Variants in SAMHD1 observed in about 807,000 individuals in gnomAD.
SAMHD1 encodes the protein deoxynucleoside triphosphate triphosphohydrolase SAMHD1.
Under a neutral mutation model 79.6 loss-of-function variants are expected in SAMHD1, and 54 were observed. The observed-to-expected ratio is 0.68, with a 90% CI of 0.55 to 0.85. The LOEUF is 0.85. Among genes scored for constraint, SAMHD1 ranks in the 40% least tolerant of loss-of-function variants. The probability of loss-of-function intolerance (pLI) is 0.00; values close to 1 mark genes in which losing one functional copy is unlikely to be tolerated. For synonymous variants in SAMHD1, 260 were observed against 264.1 expected, an observed-to-expected ratio of 0.98 and a Z score of 0.15; for missense variants, 663 against 782.7, an observed-to-expected ratio of 0.85 and a Z score of 1.82.
At chr20:36,898,740 C>T (rs1298979173) in intron 13 of SAMHD1, among the ~76,000 whole-genome samples, 196 bp from the exon 14 acceptor site, 2 of 151,304 alleles carry the variant, frequency 1.3e-5, no homozygotes, top group Non-Finnish European at 3.0e-5. Context: ...AGTGAAACCC[C>T]ACCTCTACTA....
chr20:36,903,220 G>A (rs778880289), intron 13 of SAMHD1, among the ~76,000 whole-genome samples: 8 of 152,078 alleles, frequency 5.3e-5, no homozygotes, highest in South Asian at 2.1e-4. Flanking sequence ...TGTTGATAAG[G>A]TCCAGGGTGT....
intron 3 of SAMHD1, among the ~76,000 whole-genome samples, chr20:36,936,752 A>C (rs1277424752): frequency 2.0e-5 from 3 of 149,810 alleles, no homozygotes; most frequent in Admixed American, 6.7e-5. Flanking sequence ...GCTCATTGTA[A>C]CCTCTGCCTC....
At chr20:36,932,581 C>T (rs570210494) in intron 4 of SAMHD1, among the ~76,000 whole-genome samples, 69 of 150,574 alleles carry the variant, frequency 4.6e-4, no homozygotes, top group Non-Finnish European at 7.2e-4. Context: ...CCATGCCCGG[C>T]TGGTTTTGTA....
Position 36,893,033 on chromosome 20 carries a change from G to T in SAMHD1, c.1780C>A (p.Gln594Lys), listed in dbSNP as rs1990117713. 1 of 1,613,402 alleles carries T rather than the reference G, an allele frequency of 6.2e-7. No homozygotes were observed. The highest frequency in any genetic ancestry group is 8.5e-7 in the Non-Finnish European group (1 of 1,179,884). The change falls in exon 16 of 16, where the codon CAA becomes AAA. Residue 594 changes from glutamine (Q) to lysine (K), a missense_variant. Gln to Lys is a moderately conservative substitution (Grantham distance 53). Transcript: ENST00000646673. ...GTACTGTCGTTCCATTCCTTTTTTT[G>T]AGGTGTTATGAGTGGGGCTATAACA... ...GDVIAPLITP[Q>K]KKEWNDSTSV... is the part of the protein sequence containing the mutation.
chr20:36,911,624 T>C (rs534982875), intron 10 of SAMHD1: 1 of 296,272 alleles, frequency 3.4e-6, no homozygotes, highest in African/African-American at 2.2e-5. Context: ...ATGAAGTAAA[T>C]TTTGATTTAA....
At chr20:36,937,483 A>G (rs879699929) in intron 3 of SAMHD1, among the ~76,000 whole-genome samples, 6 of 152,238 alleles carry the variant, frequency 3.9e-5, no homozygotes, top group Admixed American at 6.6e-5. Context: ...ATCTCCCATA[A>G]GGATTTACAT....
rs775208747 is a variant in SAMHD1 at position 36,904,112 on chromosome 20, C to T, written c.1503+45G>A. ...ACTTTTATAATGGTGGGTGCTTTATCTTTAAAACGTATTCACTCAGTTTAT... is the reference window on the plus strand; with the variant it reads ...ACTTTTATAATGGTGGGTGCTTTATTTTTAAAACGTATTCACTCAGTTTAT... On this transcript the variant is annotated intron_variant, in intron 13 of 15. Transcript: ENST00000646673. The T allele has an allele frequency of 6.9e-6, 9 of 1,302,668 alleles. No homozygotes were observed. The African/African-American group carries it at 1.3e-4, about 19-fold the overall frequency. The allele number at this position is 1,302,668 out of a possible 1,614,324, so 80.7% of individuals were successfully genotyped here.
intron 4 of SAMHD1, among the ~76,000 whole-genome samples, chr20:36,931,634 C>T (rs1190160216): frequency 6.6e-6 from 1 of 151,814 alleles, no homozygotes; most frequent in Non-Finnish European, 1.5e-5. Context: ...AAGATTCCGT[C>T]CCCACCACCC....
At chr20:36,900,093 C>CA (rs376368527) in intron 13 of SAMHD1, among the ~76,000 whole-genome samples, 24,901 of 108,462 alleles carry the variant, frequency 0.23, 2,619 homozygotes, top group Non-Finnish European at 0.29. Context: ...GACTCCGTCT[C>CA]AAAAAAAAAA....
In SAMHD1 at chr20:36,912,867, A is replaced by G. The variant is rs555340694; in HGVS notation, c.1063-315T>C. Among the ~76,000 whole-genome samples, 246 of 91,266 alleles carry G rather than the reference A, an allele frequency of 2.7e-3. 2 individuals carry two copies. The highest frequency in any genetic ancestry group is 9.7e-3 in the African/African-American group (226 of 23,380). The allele number at this position is 91,266 out of a possible 152,430, so 59.9% of individuals were successfully genotyped here. A position where few individuals can be genotyped will look rare whatever the true frequency, so the allele number is the denominator to read the frequency against. On this transcript the variant is annotated intron_variant, in intron 9 of 15. Coordinates refer to ENST00000646673, the MANE Select transcript of SAMHD1 (RefSeq NM_015474.4). Reference sequence around the variant, plus strand: ...TGGGATAACATGCATCAGCCACTGTACCCAGCTAACTTTCATTCTTTGTTT... The same window carrying G: ...TGGGATAACATGCATCAGCCACTGTGCCCAGCTAACTTTCATTCTTTGTTT...
At chr20:36,931,986 C>G (rs2063570528) in intron 4 of SAMHD1, among the ~76,000 whole-genome samples, 1 of 151,212 alleles carries the variant, frequency 6.6e-6, no homozygotes, top group Non-Finnish European at 1.5e-5. Flanking sequence ...AATTCATAAA[C>G]AAAAAAAAGA....
intron 4 of SAMHD1, 98 bp from the exon 5 acceptor site, chr20:36,930,973 C>CT (rs2063564931): frequency 2.4e-6 from 2 of 824,478 alleles, no homozygotes; most frequent in Non-Finnish European, 4.2e-6. Flanking sequence ...AACATTCTAA[C>CT]ATACCTTTAG....
At chr20:36,924,911 C>A (rs1487928432) in intron 6 of SAMHD1, among the ~76,000 whole-genome samples, 1 of 151,904 alleles carries the variant, frequency 6.6e-6, no homozygotes, top group African/African-American at 2.4e-5. Context: ...GTAATCCCAG[C>A]GCTTTGGGAG....
At position 36,891,713 on chromosome 20, in the gene SAMHD1, A is replaced by T. The variant is rs1240580873; in HGVS notation, c.*1219T>A. The T allele has an allele frequency of 2.0e-5, 3 of 151,816 alleles. No individual in the cohort carries two copies. Among genetic ancestry groups the T allele is most frequent in the Non-Finnish European group, 4.4e-5 (3 of 68,104 alleles). The allele number at this position is 151,816 out of a possible 1,614,324, so 9.4% of individuals were successfully genotyped here. A position where few individuals can be genotyped will look rare whatever the true frequency, so the allele number is the denominator to read the frequency against. On this transcript the variant is annotated 3_prime_UTR_variant, in exon 16 of 16. Transcript: ENST00000646673. Reference sequence around the variant, plus strand: ...TTTGTGCTTTTTTTTTTGGAGATGGAGTCTCACTCTGTCACCCAGGCTGGA... The same window carrying T: ...TTTGTGCTTTTTTTTTTGGAGATGGTGTCTCACTCTGTCACCCAGGCTGGA...
At chr20:36,897,777 A>C in intron 15 of SAMHD1, 45 bp downstream of exon 15, 1 of 1,612,872 alleles carries the variant, frequency 6.2e-7, no homozygotes, top group Non-Finnish European at 8.5e-7. Context: ...GTTTTTACTT[A>C]AAAATAAAAA....
At chr20:36,913,554 G>A (rs1399745839) in intron 9 of SAMHD1, among the ~76,000 whole-genome samples, 2 of 149,008 alleles carry the variant, frequency 1.3e-5, no homozygotes, top group African/African-American at 4.9e-5. Flanking sequence ...AGTGAGCGGA[G>A]ATCACGCCAT....
At chr20:36,907,479 C>T (rs2063411667) in intron 11 of SAMHD1, among the ~76,000 whole-genome samples, 1 of 151,920 alleles carries the variant, frequency 6.6e-6, no homozygotes, top group East Asian at 1.9e-4. Context: ...AATCTTCCTG[C>T]CTTAGTCTCT....
chr20:36,896,619 G>A (rs553444804), intron 15 of SAMHD1, among the ~76,000 whole-genome samples: 10 of 151,990 alleles, frequency 6.6e-5, no homozygotes, highest in East Asian at 2.0e-4. Flanking sequence ...GGCGGATCAC[G>A]AGGTCAGGAG....
At chr20:36,904,425 A>G (rs2063393820) in intron 12 of SAMHD1, 176 bp from the exon 13 acceptor site, 2 of 622,780 alleles carry the variant, frequency 3.2e-6, no homozygotes, top group East Asian at 3.0e-5. Context: ...TTTGTAAAAA[A>G]TTGTAAAAAG....
Sources: allele counts gnomAD v4.1 joint callset (sites outside exome capture counted in the v4.1 genomes callset), GRCh38; gene constraint gnomAD v4.1.1; transcripts MANE v1.5; gene names NCBI Gene and HGNC (gene_info 2026-07-23, HGNC 2026-07-21).